WAPL: variants seen among roughly 807,000 people sequenced by gnomAD.
The protein encoded by WAPL is WAPL cohesin release factor.
In WAPL, 5 loss-of-function variants were observed where a neutral mutation model predicts 121.0. The observed-to-expected ratio is 0.04, with a 90% CI of 0.02 to 0.09. The LOEUF (loss-of-function observed/expected upper bound fraction) is 0.09. Among genes scored for constraint, WAPL ranks in the 10% least tolerant of loss-of-function variants. The pLI is 1.00. For synonymous variants in WAPL, 480 were observed against 481.5 expected, an observed-to-expected ratio of 1.00 and a Z score of 0.04; for missense variants, 999 against 1,410.8, an observed-to-expected ratio of 0.71 and a Z score of 4.68.
chr10:86,491,183 A>G (rs1842040089), intron 4 of WAPL, among the ~76,000 whole-genome samples: 1 of 123,658 alleles, frequency 8.1e-6, no homozygotes, highest in Non-Finnish European at 1.6e-5. Flanking sequence ...TCTGTTGCCC[A>G]GGCTGGAGTG....
intron 2 of WAPL, among the ~76,000 whole-genome samples, chr10:86,515,269 A>C (rs1176213915): frequency 6.6e-6 from 1 of 151,706 alleles, no homozygotes; most frequent in African/African-American, 2.4e-5. Flanking sequence ...TCTCAAAAAA[A>C]AAAAAGAAAA....
chr10:86,521,052 C>T (rs573262798), intron 1 of WAPL, among the ~76,000 whole-genome samples: 6 of 152,188 alleles, frequency 3.9e-5, no homozygotes, highest in African/African-American at 9.6e-5. Context: ...CCTCTGCCAC[C>T]GAATCCTTAA....
intron 15 of WAPL, among the ~76,000 whole-genome samples, chr10:86,451,319 A>C (rs566925479): frequency 1.3e-5 from 2 of 152,328 alleles, no homozygotes; most frequent in Admixed American, 1.3e-4. Flanking sequence ...AGTCGAAAAA[A>C]AATCAGCAAA....
intron 4 of WAPL, among the ~76,000 whole-genome samples, chr10:86,486,926 A>G (rs1229527729): frequency 6.6e-6 from 1 of 152,164 alleles, no homozygotes; most frequent in Admixed American, 6.5e-5. Flanking sequence ...ATTGCACTCC[A>G]GCCTGAGCAA....
chr10:86,480,301 T>C (rs567424622), intron 4 of WAPL, among the ~76,000 whole-genome samples: 1 of 152,244 alleles, frequency 6.6e-6, no homozygotes, highest in East Asian at 1.9e-4. Flanking sequence ...CTACTGTGAG[T>C]AGAACTTCAA....
intron 4 of WAPL, among the ~76,000 whole-genome samples, chr10:86,477,313 T>A (rs545647902): frequency 3.0e-4 from 46 of 152,298 alleles, no homozygotes; most frequent in African/African-American, 1.1e-3. Flanking sequence ...AAAACAGTGG[T>A]ATGTCACAGG....
chr10:86,443,643 G>T, intron 16 of WAPL: 1 of 340,608 alleles, frequency 2.9e-6, no homozygotes, highest in Non-Finnish European at 5.4e-6. Flanking sequence ...AAATATATTT[G>T]CAAATCATGA....
chr10:86,454,359 G>A (rs1050909600), intron 12 of WAPL, among the ~76,000 whole-genome samples: 9 of 151,664 alleles, frequency 5.9e-5, no homozygotes, highest in East Asian at 1.9e-4. Context: ...AAGGATTCTC[G>A]CTCTCCCTCT....
At chr10:86,485,342 A>C (rs1240881808) in intron 4 of WAPL, among the ~76,000 whole-genome samples, 2 of 151,970 alleles carry the variant, frequency 1.3e-5, no homozygotes. Flanking sequence ...CAGGAGTTCA[A>C]GACCAACATG....
At position 86,437,938 on chromosome 10, in the gene WAPL, C is replaced by T. The variant is rs754835982; in HGVS notation, c.3489G>A (p.Leu1163=). 1.9e-6 allele frequency: 3 copies of T among 1,613,210 alleles called. No individual in the cohort carries two copies. The Admixed American group carries it at 5.0e-5, about 27-fold the overall frequency. The change falls in exon 18 of 19, where the codon TTG becomes TTA. Residue 1163 remains leucine, a synonymous_variant. Transcript: ENST00000298767. ...SIMTEMLKKF[L]SFMNLTCAVG... is the part of the protein sequence containing the mutation. ...TACTTACAGTGAGATTCATAAAACT[C>T]AAAAATTTTTTGAGCATCTCTGTCA... is the stretch of plus-strand genomic sequence containing the variant.
intron 2 of WAPL, among the ~76,000 whole-genome samples, chr10:86,517,102 T>G (rs1280304881): frequency 6.6e-6 from 1 of 152,162 alleles, no homozygotes; most frequent in Non-Finnish European, 1.5e-5. Context: ...TAATCTCAAT[T>G]TGGAATCAAG....
In WAPL at chr10:86,500,257, G is replaced by A. The variant is rs749589161; in HGVS notation, c.986C>T (p.Ser329Leu). The change falls in exon 3 of 19, where the codon TCG (serine) becomes TTG (leucine). Residue 329 changes from serine (S) to leucine (L), a missense_variant. Transcript: ENST00000298767. The part of the protein sequence containing the change: ...SQALAKANSE[S>L]SKDGLNQAKK... ...TGCCTGATTCAGGCCATCTTTACTC[G>A]ATTCACTGTTTGCTTTGGCTAAGGC... The A allele has an allele frequency of 2.5e-5, 41 of 1,613,980 alleles. No individual in the cohort carries two copies. The highest frequency in any genetic ancestry group is 2.9e-5 in the Non-Finnish European group (34 of 1,180,034).
At chr10:86,521,040 A>G (rs1484170871) in intron 1 of WAPL, among the ~76,000 whole-genome samples, 1 of 152,050 alleles carries the variant, frequency 6.6e-6, no homozygotes, top group African/African-American at 2.4e-5. Flanking sequence ...ACGCCCCGGA[A>G]GCCTCTGCCA....
Position 86,491,203 on chromosome 10 carries a change from G to C in WAPL, c.1644+5998C>G, listed in dbSNP as rs1204928740. On this transcript the variant is annotated intron_variant, in intron 4 of 18. Transcript: ENST00000298767. ...TGCCCAGGCTGGAGTGCAGTGGCATGATCTCCGCTCACTGCAAACTCTGCC... is the reference window on the plus strand; with the variant it reads ...TGCCCAGGCTGGAGTGCAGTGGCATCATCTCCGCTCACTGCAAACTCTGCC... 1.8e-4 allele frequency among the ~76,000 whole-genome samples: 23 copies of C among 129,604 alleles called. No homozygotes were observed. The Admixed American group carries it at 1.9e-3, about 11-fold the overall frequency. The allele number at this position is 129,604 out of a possible 152,430, so 85.0% of individuals were successfully genotyped here. A position where few individuals can be genotyped will look rare whatever the true frequency, so the allele number is the denominator to read the frequency against.
At position 86,517,828 on chromosome 10, in the gene WAPL, G is replaced by A; in HGVS notation, c.242C>T (p.Ser81Phe). The A allele has an allele frequency of 6.2e-7, 1 of 1,614,162 alleles. No individual in the cohort carries two copies. Among genetic ancestry groups the A allele is most frequent in the Non-Finnish European group, 8.5e-7 (1 of 1,180,020 alleles). Residue 81 changes from serine (S) to phenylalanine (F), a missense_variant, in exon 2 of 19, where the codon TCT (serine) becomes TTT (phenylalanine). Ser to Phe is a radical substitution (Grantham distance 155). Transcript: ENST00000298767. ...DPFGFDSDDE[S>F]LPVSSKNLAQ... ...TAAATTCTTTGAAGAAACTGGTAGA[G>A]ACTCATCATCACTATCAAATCCAAA... is the stretch of plus-strand genomic sequence containing the variant.
chr10:86,446,547 A>C (rs781213863), intron 15 of WAPL, 98 bp from the exon 16 acceptor site: 2 of 1,263,662 alleles, frequency 1.6e-6, no homozygotes, highest in Non-Finnish European at 2.2e-6. Context: ...ATCTATCACT[A>C]ACTCTAAGAT....
chr10:86,499,819 G>A lies in WAPL; in HGVS notation c.1424C>T (p.Thr475Ile). 6.2e-7 allele frequency: 1 copy of A among 1,612,180 alleles called. No individual in the cohort carries two copies. Among genetic ancestry groups the A allele is most frequent in the South Asian group, 1.1e-5 (1 of 90,618 alleles). ...AGCTGTTTTAGTTCTTTTTTTGCTT[G>A]TCTTTCTTTCTACTTGACAGTCATC... ...EDDDCQVERK[T>I]SKKRTKTAPS... The change falls in exon 3 of 19, where the codon ACA becomes ATA. Residue 475 changes from threonine to isoleucine, a missense_variant. Thr to Ile is a moderately conservative substitution (Grantham distance 89, BLOSUM62 -1). This residue lies in a region of WAPL where 531 missense variants were observed against 563.1 expected (regional missense o/e 0.94). Coordinates refer to ENST00000298767, the MANE Select transcript of WAPL (RefSeq NM_015045.5).
chr10:86,493,421 A>G (rs1301269828), intron 4 of WAPL, among the ~76,000 whole-genome samples: 1 of 152,192 alleles, frequency 6.6e-6, no homozygotes, highest in Non-Finnish European at 1.5e-5. Flanking sequence ...AAGGAAAGGG[A>G]CTATGTACAA....
At chr10:86,489,406 G>A (rs1474511627) in intron 4 of WAPL, among the ~76,000 whole-genome samples, 1 of 152,216 alleles carries the variant, frequency 6.6e-6, no homozygotes. Context: ...TTCTGTGGCA[G>A]TAAAGCAAAG....
Sources: gnomAD v4.1 joint callset for allele counts (sites outside exome capture counted in the v4.1 genomes callset) on GRCh38, gnomAD v4.1.1 for gene constraint, gnomAD v4.1.1 regional missense constraint, MANE v1.5 for transcripts, NCBI Gene and HGNC (gene_info 2026-07-23, HGNC 2026-07-21) for gene names.